The following MTHFD1 variants were observed in gnomAD, a reference collection of about 807,000 sequenced individuals.
The protein encoded by MTHFD1 is C-1-tetrahydrofolate synthase, cytoplasmic.
In MTHFD1, 44 loss-of-function variants were observed where a neutral mutation model predicts 110.3. That is an observed-to-expected ratio of 0.40 (90% confidence interval 0.31 to 0.51). The LOEUF (loss-of-function observed/expected upper bound fraction) is 0.51. Ranked by LOEUF, MTHFD1 falls within the 20% of genes least tolerant of loss-of-function variation. The probability of loss-of-function intolerance (pLI) is 0.60; values close to 1 mark genes in which losing one functional copy is unlikely to be tolerated. For synonymous variants in MTHFD1, 402 were observed against 428.8 expected (o/e 0.94, Z 0.77); for missense variants, 909 against 1,173.1 (o/e 0.77, Z 3.29).
intron 1 of MTHFD1, among the ~76,000 whole-genome samples, chr14:64,392,351 C>G (rs1273453401): frequency 1.3e-5 from 2 of 152,160 alleles, no homozygotes; most frequent in Non-Finnish European, 2.9e-5. Flanking sequence ...TTGGAAGACC[C>G]ACCTTGCTTT....
At chr14:64,428,728 G>A (rs1031605947) in intron 12 of MTHFD1, among the ~76,000 whole-genome samples, 35 of 150,772 alleles carry the variant, frequency 2.3e-4, no homozygotes, top group South Asian at 6.4e-4. Context: ...TAATTTTTGT[G>A]TTTTTAGTAG....
At chr14:64,454,177 A>G (rs1280776731) in intron 25 of MTHFD1, among the ~76,000 whole-genome samples, 1 of 152,164 alleles carries the variant, frequency 6.6e-6, no homozygotes, top group Admixed American at 6.5e-5. Flanking sequence ...CAGTGGCACA[A>G]TTTCAGCTCA....
intron 22 of MTHFD1, 149 bp from the exon 23 acceptor site, chr14:64,448,068 G>A (rs915853459): frequency 5.4e-5 from 37 of 690,012 alleles, no homozygotes; most frequent in Non-Finnish European, 8.2e-5. Context: ...TGGAAAAAAT[G>A]CACCAAGGGA....
At chr14:64,454,976 G>A (rs2078445497) in intron 26 of MTHFD1, 101 bp downstream of exon 26, 1 of 1,236,366 alleles carries the variant, frequency 8.1e-7, no homozygotes, top group South Asian at 1.2e-5. Context: ...AGAGTTCACT[G>A]CCCAGAAGAA....
rs182818828 is a variant in MTHFD1, at chr14:64,414,018, G to C, written c.241-1340G>C. 1.7e-3 allele frequency among the ~76,000 whole-genome samples: 263 copies of C among 152,028 alleles called. 2 individuals carry two copies. Among genetic ancestry groups the C allele is most frequent in the African/African-American group, 6.0e-3 (248 of 41,424 alleles). ...CTAATTTTATTTTATTTTTGAGGCA[G>C]AGTTTTACTCTTGTCGCCCAGGCTA... On this transcript the variant is annotated intron_variant, in intron 4 of 27. Transcript: ENST00000652337.
chr14:64,413,924 A>C (rs1409399756), intron 4 of MTHFD1, among the ~76,000 whole-genome samples: 3 of 152,122 alleles, frequency 2.0e-5, no homozygotes, highest in Admixed American at 2.0e-4. Context: ...CAACCTCCTA[A>C]GCTCAAGTGA....
At chr14:64,439,059 A>C in intron 16 of MTHFD1, 37 bp from the exon 17 acceptor site, 1 of 1,491,962 alleles carries the variant, frequency 6.7e-7, no homozygotes, top group Non-Finnish European at 9.4e-7. Flanking sequence ...TGGTCCTTTT[A>C]CTCAAAATCG....
At chr14:64,437,126 T>C (rs2078212032) in intron 16 of MTHFD1, among the ~76,000 whole-genome samples, 1 of 152,042 alleles carries the variant, frequency 6.6e-6, no homozygotes, top group Non-Finnish European at 1.5e-5. Context: ...ATTTAGAGTA[T>C]GAACTGGGTT....
intron 1 of MTHFD1, chr14:64,389,003 A>G (rs3783733): frequency 0.011 from 1,882 of 165,278 alleles, 64 homozygotes; most frequent in East Asian, 0.082. Context: ...TCTAACAGCC[A>G]TCTCTCTGCC....
chr14:64,404,863 C>G (rs977607715), intron 2 of MTHFD1, among the ~76,000 whole-genome samples: 1 of 152,058 alleles, frequency 6.6e-6, no homozygotes, highest in Non-Finnish European at 1.5e-5. Context: ...CACAGCTACT[C>G]AGGAGGCTGA....
At position 64,442,137 on chromosome 14, in the gene MTHFD1, C is replaced by T; in HGVS notation, c.1968C>T (p.Leu656=). Residue 656 remains leucine (L), a synonymous_variant, in exon 20 of 28, where the codon CTC becomes CTT. Coordinates refer to ENST00000652337, the MANE Select transcript of MTHFD1 (RefSeq NM_005956.4). ...CCATCATTGCAGACCGGATCGCACT[C>T]AAGCTTGTTGGCCCAGAAGGGTTTG... ...NSSIIADRIA[L]KLVGPEGFVV... The T allele has an allele frequency of 5.0e-6, 8 of 1,614,150 alleles. No individual in the cohort carries two copies. The highest frequency in any genetic ancestry group is 6.8e-6 in the Non-Finnish European group (8 of 1,180,016).
At position 64,427,320 on chromosome 14, in the gene MTHFD1, T is replaced by C. The variant is rs747214668; in HGVS notation, c.1128-17T>C. The C allele has an allele frequency of 4.0e-5, 65 of 1,613,936 alleles. No individual in the cohort carries two copies. Among genetic ancestry groups the C allele is most frequent in the African/African-American group, 5.3e-5 (4 of 74,946 alleles). ...TTAATTCTTTAAACCTTTTTCTCTT[T>C]TGCTTTCGTCTTGAAGAATAACTCC... On this transcript the variant is annotated splice_polypyrimidine_tract_variant and intron_variant, in intron 11 of 27. Transcript: ENST00000652337.
chr14:64,409,467 A>T (rs1566558232), intron 2 of MTHFD1, among the ~76,000 whole-genome samples: 1 of 152,226 alleles, frequency 6.6e-6, no homozygotes, highest in Non-Finnish European at 1.5e-5. Context: ...AGTGGTAGGT[A>T]TAAATATGAA....
intron 13 of MTHFD1, among the ~76,000 whole-genome samples, chr14:64,430,586 G>T (rs1368217571): frequency 6.6e-6 from 1 of 152,148 alleles, no homozygotes; most frequent in African/African-American, 2.4e-5. Flanking sequence ...GTGAGCCACC[G>T]CACCCAGCCT....
chr14:64,400,772 C>T, intron 1 of MTHFD1, 21 bp from the exon 2 acceptor site: 2 of 1,535,000 alleles, frequency 1.3e-6, no homozygotes, highest in Non-Finnish European at 1.8e-6. Flanking sequence ...GTGTTAACCC[C>T]ACCCTTTCCT....
intron 1 of MTHFD1, among the ~76,000 whole-genome samples, chr14:64,390,742 A>C (rs916525547): frequency 7.3e-5 from 11 of 150,814 alleles, no homozygotes; most frequent in African/African-American, 2.7e-4. Flanking sequence ...TCCACCTCCC[A>C]GGTTCAAGCG....
chr14:64,416,318 G>A (rs1435560292), intron 6 of MTHFD1, among the ~76,000 whole-genome samples: 6 of 152,106 alleles, frequency 3.9e-5, no homozygotes, highest in Non-Finnish European at 7.4e-5. Flanking sequence ...GGGAGACAAC[G>A]GAACCAAGAT....
intron 18 of MTHFD1, chr14:64,440,832 T>C (rs2078241535): frequency 8.8e-6 from 2 of 226,166 alleles, no homozygotes; most frequent in Admixed American, 1.0e-4. Flanking sequence ...TGAGCTTGAT[T>C]AAGATGCTTG....
intron 22 of MTHFD1, chr14:64,444,983 A>G: frequency 1.9e-6 from 1 of 528,660 alleles, no homozygotes; most frequent in South Asian, 2.0e-5. Flanking sequence ...GATTCTCAAC[A>G]GCTGATTTTG....
Sources: allele counts gnomAD v4.1 joint callset (sites outside exome capture counted in the v4.1 genomes callset), GRCh38; gene constraint gnomAD v4.1.1; transcripts MANE v1.5; gene names NCBI Gene and HGNC (gene_info 2026-07-23, HGNC 2026-07-21).